Variants in KLF3 observed in about 807,000 individuals in gnomAD.
The protein encoded by KLF3 is Krueppel-like factor 3.
In KLF3, 6 loss-of-function variants were observed where a neutral mutation model predicts 32.7. That is an observed-to-expected ratio of 0.18 (90% CI 0.10 to 0.36). The LOEUF is 0.36. Ranked by LOEUF, KLF3 falls within the 10% of genes least tolerant of loss-of-function variation. The pLI, the probability that KLF3 is intolerant of heterozygous loss-of-function variation, is 1.00. For synonymous variants in KLF3, 145 were observed against 172.8 expected (o/e 0.84, Z 1.26); for missense variants, 338 against 449.7 (o/e 0.75, Z 2.25).
At chr4:38,684,500 A>C (rs1467464014) in intron 2 of KLF3, among the ~76,000 whole-genome samples, 5 of 149,506 alleles carry the variant, frequency 3.3e-5, no homozygotes, top group Non-Finnish European at 1.5e-5. Context: ...CTTATAGCAG[A>C]TCAGTGGTTT....
Position 38,689,787 on chromosome 4 carries a change from T to C in KLF3, c.603T>C (p.Pro201=). The part of the protein sequence containing the change: ...PISQKKIKIE[P]GIEPQRTDYY... ...CACAGAAAAAAATTAAAATAGAACC[T>C]GGGATCGAACCACAGAGGACAGATT... Residue 201 remains proline, a synonymous_variant, in exon 4 of 6, where the codon CCT becomes CCC. Coordinates refer to ENST00000261438, the MANE Select transcript of KLF3 (RefSeq NM_016531.6). 6.2e-7 allele frequency: 1 copy of C among 1,612,158 alleles called. No homozygotes were observed. Among genetic ancestry groups the C allele is most frequent in the Non-Finnish European group, 8.5e-7 (1 of 1,178,700 alleles).
Position 38,680,675 on chromosome 4 carries a change from T to A in KLF3, c.50T>A (p.Val17Asp), listed in dbSNP as rs1384550081. ...GTCAAGCAAGAGGCCATGGACCCTG[T>A]CTCAGTGGTAAGTTTTCCAAGATTG... Reference protein sequence around the residue: ...VPVKQEAMDPVSVSYPSNYME... With the variant: ...VPVKQEAMDPDSVSYPSNYME... The change falls in exon 2 of 6, where the codon GTC (valine) becomes GAC (aspartate). Residue 17 changes from valine to aspartate, a missense_variant. Around this residue, in one of 2 missense-constraint regions of KLF3, gnomAD observed 272 missense variants for 313.4 expected, o/e 0.87. Transcript: ENST00000261438. 6.2e-7 allele frequency: 1 copy of A among 1,612,744 alleles called. No homozygotes were observed. The highest frequency in any genetic ancestry group is 1.1e-5 in the South Asian group (1 of 91,056).
chr4:38,693,077 C>CGT (rs1488561674), intron 4 of KLF3, among the ~76,000 whole-genome samples: 1 of 126,044 alleles, frequency 7.9e-6, no homozygotes, highest in Non-Finnish European at 1.7e-5. Flanking sequence ...TATATATATA[C>CGT]ACATATATAT....
At chr4:38,686,443 C>CAAAAAAA (rs61128677) in intron 2 of KLF3, among the ~76,000 whole-genome samples, 27 of 100,884 alleles carry the variant, frequency 2.7e-4, no homozygotes, top group African/African-American at 4.1e-4. Flanking sequence ...GACCCTATCT[C>CAAAAAAA]AAAAAAAAAA....
At chr4:38,665,171 A>G (rs956563839) in intron 1 of KLF3, among the ~76,000 whole-genome samples, 3 of 152,156 alleles carry the variant, frequency 2.0e-5, no homozygotes, top group Non-Finnish European at 4.4e-5. Context: ...CCTCCGGGGC[A>G]GGAGAAATGA....
Position 38,688,450 on chromosome 4 carries a change from A to C in KLF3, c.58-135A>C. ...TTTGAGCATTTTTTTAAGGTCACAT[A>C]TATATCGAAATCTAAACTATTTTGT... On this transcript the variant is annotated intron_variant, in intron 2 of 5. Transcript: ENST00000261438. The surrounding 1 kb of genome is among the most constrained non-coding windows in gnomAD (Gnocchi z 4.9). 2.3e-6 allele frequency: 2 copies of C among 860,520 alleles called. No individual in the cohort carries two copies. The highest frequency in any genetic ancestry group is 3.6e-6 in the Non-Finnish European group (2 of 562,886). The allele number at this position is 860,520 out of a possible 1,614,324, so 53.3% of individuals were successfully genotyped here.
At chr4:38,683,767 A>G (rs907459400) in intron 2 of KLF3, among the ~76,000 whole-genome samples, 1 of 152,216 alleles carries the variant, frequency 6.6e-6, no homozygotes, top group African/African-American at 2.4e-5. Context: ...CTGTGGAAAG[A>G]TTACTTTTGA....
At chr4:38,691,349 A>G (rs1331094610) in intron 4 of KLF3, among the ~76,000 whole-genome samples, 1 of 152,210 alleles carries the variant, frequency 6.6e-6, no homozygotes, top group Non-Finnish European at 1.5e-5. Flanking sequence ...GGCAAAATGG[A>G]CACATCTTAG....
rs1307827734 is a variant in KLF3, at chr4:38,671,540, A to T, written c.-40+7079A>T. On this transcript the variant is annotated intron_variant, in intron 1 of 5. Coordinates refer to ENST00000261438, the MANE Select transcript of KLF3 (RefSeq NM_016531.6). The surrounding 1 kb of genome is among the most constrained non-coding windows in gnomAD (Gnocchi z 4.4). ...GTCTTCTCCGGGGACCAACCTGTTCACAGAAATCACTATCATGTACTTACT... is the reference window on the plus strand; with the variant it reads ...GTCTTCTCCGGGGACCAACCTGTTCTCAGAAATCACTATCATGTACTTACT... Among the ~76,000 whole-genome samples the T allele has an allele frequency of 6.6e-6, 1 of 152,162 alleles. No homozygotes were observed. Among genetic ancestry groups the T allele is most frequent in the East Asian group, 1.9e-4 (1 of 5,196 alleles).
At chr4:38,677,519 C>G (rs1220042457) in intron 1 of KLF3, among the ~76,000 whole-genome samples, 3 of 152,140 alleles carry the variant, frequency 2.0e-5, no homozygotes, top group African/African-American at 7.2e-5. Context: ...ACTCCAGAGC[C>G]CATCATCTTA....
At position 38,664,332 on chromosome 4, in the gene KLF3, TCCCCGTCCCCTGCGGCCGC is replaced by T. The variant is rs1721915598; in HGVS notation, c.-167_-149del. 1 of 151,830 alleles carries T rather than the reference TCCCCGTCCCCTGCGGCCGC, an allele frequency of 6.6e-6. No homozygotes were observed. The highest frequency in any genetic ancestry group is 1.5e-5 in the Non-Finnish European group (1 of 67,996). The allele number at this position is 151,830 out of a possible 1,614,324, so 9.4% of individuals were successfully genotyped here. A position where few individuals can be genotyped will look rare whatever the true frequency, so the allele number is the denominator to read the frequency against. Reference sequence around the variant, plus strand: ...AGAGCGCCCGCCGCACGCGCGCCCGTCCCCGTCCCCTGCGGCCGCCAACGCCGCCCGGACTGGAGCCCTG... The same window carrying T: ...AGAGCGCCCGCCGCACGCGCGCCCGTCAACGCCGCCCGGACTGGAGCCCTG... On this transcript the variant is annotated 5_prime_UTR_variant, in exon 1 of 6. Transcript: ENST00000261438.
At chr4:38,693,846 TC>T (rs1446015265) in intron 4 of KLF3, among the ~76,000 whole-genome samples, 1 of 152,138 alleles carries the variant, frequency 6.6e-6, no homozygotes, top group East Asian at 1.9e-4. Context: ...TTCCTCCATC[TC>T]CCTTTTCTCT....
chr4:38,672,412 T>C (rs1178740475), intron 1 of KLF3, among the ~76,000 whole-genome samples: 1 of 152,022 alleles, frequency 6.6e-6, no homozygotes, highest in East Asian at 1.9e-4. Context: ...CTAGACTATC[T>C]AGGTAAGAAG....
intron 1 of KLF3, among the ~76,000 whole-genome samples, chr4:38,675,404 G>A (rs892786129): frequency 2.1e-4 from 32 of 151,506 alleles, no homozygotes; most frequent in African/African-American, 7.6e-4. Flanking sequence ...CCCCCTTTTG[G>A]ATGCAGTTTT....
At chr4:38,697,029 C>CT in intron 5 of KLF3, 53 bp from the exon 6 acceptor site, 4 of 1,443,416 alleles carry the variant, frequency 2.8e-6, no homozygotes, top group Non-Finnish European at 3.8e-6. Flanking sequence ...ACTCAAAGAT[C>CT]TTTACTACCT....
intron 1 of KLF3, among the ~76,000 whole-genome samples, chr4:38,667,574 G>A (rs929111905): frequency 2.6e-5 from 4 of 152,172 alleles, no homozygotes; most frequent in African/African-American, 9.7e-5. Context: ...TTGTGATTTG[G>A]GGAAACGTGG....
At position 38,698,722 on chromosome 4, in the gene KLF3, A is replaced by G. The variant is rs1723120599; in HGVS notation, c.*1459A>G. On this transcript the variant is annotated 3_prime_UTR_variant, in exon 6 of 6. Transcript: ENST00000261438. ...CACCATTATTGGGGGAAGTTATTCAAAAGCAGGCTTTTGAGCACCATAGTC... is the reference window on the plus strand; with the variant it reads ...CACCATTATTGGGGGAAGTTATTCAGAAGCAGGCTTTTGAGCACCATAGTC... 6.6e-6 allele frequency: 1 copy of G among 152,226 alleles called. No homozygotes were observed. The highest frequency in any genetic ancestry group is 2.1e-4 in the South Asian group (1 of 4,834). 9.4% of individuals were successfully genotyped at this position (152,226 alleles called of 1,614,324 possible).
intron 1 of KLF3, among the ~76,000 whole-genome samples, chr4:38,665,940 T>G (rs1285358209): frequency 6.6e-6 from 1 of 152,186 alleles, no homozygotes; most frequent in Non-Finnish European, 1.5e-5. Flanking sequence ...GAGTTAGTAA[T>G]AGTGTTTAAG....
At chr4:38,696,202 A>C (rs1395147714) in intron 5 of KLF3, among the ~76,000 whole-genome samples, 5 of 151,914 alleles carry the variant, frequency 3.3e-5, no homozygotes, top group East Asian at 1.9e-4. Flanking sequence ...AAAAAAAAAA[A>C]AAAAAACGCC....
Sources: allele counts gnomAD v4.1 joint callset (sites outside exome capture counted in the v4.1 genomes callset), GRCh38; gene constraint gnomAD v4.1.1; regional missense constraint gnomAD v4.1.1; non-coding constraint Gnocchi (gnomAD v3.1); transcripts MANE v1.5; gene names NCBI Gene and HGNC (gene_info 2026-07-23, HGNC 2026-07-21).